Variants in TTC39B observed in about 807,000 individuals in gnomAD.
TTC39B encodes the protein tetratricopeptide repeat protein 39B.
A neutral mutation model predicts 96.6 loss-of-function variants in TTC39B; 92 were observed. The observed-to-expected ratio is 0.95, with a 90% confidence interval of 0.80 to 1.13. The LOEUF (loss-of-function observed/expected upper bound fraction) is 1.13, where lower values mean the gene tolerates loss of function less well. Among genes scored for constraint, TTC39B ranks in the 50% most tolerant of loss-of-function variants. The probability of loss-of-function intolerance (pLI) is 0.00; values close to 1 mark genes in which losing one functional copy is unlikely to be tolerated. For missense variants in TTC39B, 955 were observed against 809.3 expected (o/e 1.18, Z -2.18); for synonymous variants, 367 against 299.4 (o/e 1.23, Z -2.33).
At chr9:15,261,424 G>A (rs1278519578) in intron 2 of TTC39B, among the ~76,000 whole-genome samples, 3 of 152,096 alleles carry the variant, frequency 2.0e-5, no homozygotes, top group Non-Finnish European at 4.4e-5. Flanking sequence ...GCAGTGAGTT[G>A]AGAACGCGCC....
intron 2 of TTC39B, among the ~76,000 whole-genome samples, chr9:15,240,360 G>A (rs572882163): frequency 3.3e-5 from 5 of 152,296 alleles, no homozygotes; most frequent in Admixed American, 6.5e-5. Flanking sequence ...CGAGAAACTG[G>A]CGAATAGATA....
At chr9:15,185,232 A>G in intron 16 of TTC39B, 48 bp downstream of exon 16, 1 of 1,566,932 alleles carries the variant, frequency 6.4e-7, no homozygotes, top group Non-Finnish European at 8.6e-7. Context: ...TGCTGCTGTG[A>G]GTAGGTAATT....
At chr9:15,249,609 A>C (rs531290374) in intron 2 of TTC39B, 35 of 164,378 alleles carry the variant, frequency 2.1e-4, no homozygotes, top group Non-Finnish European at 3.1e-4. Flanking sequence ...CAGCAGCAAT[A>C]AACCAGCCAT....
chr9:15,177,632 T>C (rs1431415141), intron 18 of TTC39B, 65 bp downstream of exon 18: 24 of 1,114,606 alleles, frequency 2.2e-5, no homozygotes, highest in Non-Finnish European at 2.8e-5. Context: ...TTTGCATCAC[T>C]TTCTCACAGC....
rs1386037399 is a variant in TTC39B, at chr9:15,167,017, TATATATATATA to T, written c.*4991_*5001del. The T allele has an allele frequency of 1.1e-3, 10 of 8,972 alleles. 1 individual carries two copies. The highest frequency in any genetic ancestry group is 4.3e-3 in the African/African-American group (8 of 1,864). 0.6% of individuals were successfully genotyped at this position (8,972 alleles called of 1,614,324 possible). On this transcript the variant is annotated 3_prime_UTR_variant, in exon 20 of 20. Transcript: ENST00000512701. ...ATATATATATATATATATATATATA[TATATATATATA>T]TTTTTTTTTTTTTTTTTTTTTTTTT...
At chr9:15,221,056 G>T (rs1289539680) in intron 3 of TTC39B, among the ~76,000 whole-genome samples, 1 of 152,186 alleles carries the variant, frequency 6.6e-6, no homozygotes, top group Non-Finnish European at 1.5e-5. Context: ...CGCATAGCTA[G>T]GGTGGTGTCT....
At chr9:15,233,670 C>T (rs1386498999) in intron 2 of TTC39B, among the ~76,000 whole-genome samples, 1 of 152,224 alleles carries the variant, frequency 6.6e-6, no homozygotes, top group Non-Finnish European at 1.5e-5. Flanking sequence ...CAATGGTGCC[C>T]AGGCTGGAGT....
chr9:15,233,225 A>G (rs971355501), intron 2 of TTC39B, among the ~76,000 whole-genome samples: 2 of 152,148 alleles, frequency 1.3e-5, no homozygotes, highest in Non-Finnish European at 2.9e-5. Flanking sequence ...TGGTTCGAGA[A>G]GCATGGCCAA....
At chr9:15,202,844 A>G (rs1819623367) in intron 7 of TTC39B, among the ~76,000 whole-genome samples, 1 of 152,020 alleles carries the variant, frequency 6.6e-6, no homozygotes, top group South Asian at 2.1e-4. Flanking sequence ...AGCCATCACT[A>G]CCACCCATGA....
At chr9:15,232,074 C>G (rs1298496791) in intron 2 of TTC39B, among the ~76,000 whole-genome samples, 1 of 152,124 alleles carries the variant, frequency 6.6e-6, no homozygotes, top group Non-Finnish European at 1.5e-5. Context: ...CTATGTCCCC[C>G]CTCCCCAACC....
Position 15,185,288 on chromosome 9 carries a change from G to A in TTC39B, c.1606C>T (p.Pro536Ser), listed in dbSNP as rs1244736909. Reference sequence around the variant, plus strand: ...AAAATAAAAGCAGATACCAGGGCAGGTAAGATGAGCTTCACAGGTGCAGGT... The same window carrying A: ...AAAATAAAAGCAGATACCAGGGCAGATAAGATGAGCTTCACAGGTGCAGGT... The change falls in exon 16 of 20, where the codon CCT becomes TCT. Residue 536 changes from proline to serine, a missense_variant. By Grantham distance (74) the Pro-to-Ser change is moderately conservative. Transcript: ENST00000512701. 16 of 1,612,522 alleles carry A rather than the reference G, an allele frequency of 9.9e-6. No homozygotes were observed. Among genetic ancestry groups the A allele is most frequent in the Non-Finnish European group, 1.2e-5 (14 of 1,179,364 alleles).
intron 1 of TTC39B, among the ~76,000 whole-genome samples, chr9:15,304,025 G>T (rs1824681480): frequency 6.6e-6 from 1 of 152,022 alleles, no homozygotes; most frequent in Non-Finnish European, 1.5e-5. Context: ...GATAATTATT[G>T]GTGAGCTGAA....
chr9:15,189,672 A>T, intron 12 of TTC39B, 39 bp from the exon 13 acceptor site: 1 of 1,614,116 alleles, frequency 6.2e-7, no homozygotes, highest in Non-Finnish European at 8.5e-7. Context: ...TCAACAGTCA[A>T]CACTGGCTGA....
intron 16 of TTC39B, chr9:15,183,219 T>C (rs1024863766): frequency 6.3e-6 from 2 of 316,652 alleles, no homozygotes; most frequent in African/African-American, 4.6e-5. Context: ...TCAAGTAGAA[T>C]GGCAGCAAAG....
At chr9:15,259,356 T>C (rs1008023924) in intron 2 of TTC39B, among the ~76,000 whole-genome samples, 1 of 152,202 alleles carries the variant, frequency 6.6e-6, no homozygotes, top group Admixed American at 6.5e-5. Context: ...ACACCATTTA[T>C]ATGTATTCAG....
At chr9:15,275,016 C>G (rs958024011) in intron 1 of TTC39B, among the ~76,000 whole-genome samples, 3 of 151,430 alleles carry the variant, frequency 2.0e-5, no homozygotes, top group African/African-American at 7.3e-5. Flanking sequence ...CAGGTAAGTG[C>G]TCTCATATAA....
chr9:15,269,575 C>T (rs1013635619), intron 1 of TTC39B, among the ~76,000 whole-genome samples: 1 of 152,188 alleles, frequency 6.6e-6, no homozygotes, highest in African/African-American at 2.4e-5. Flanking sequence ...AGAACCTGGC[C>T]AGGCGCAGTG....
At chr9:15,283,915 G>A (rs1418561949) in intron 1 of TTC39B, among the ~76,000 whole-genome samples, 1 of 151,472 alleles carries the variant, frequency 6.6e-6, no homozygotes, top group Non-Finnish European at 1.5e-5. Flanking sequence ...CTTAAAACAG[G>A]GACAGTCTTT....
At chr9:15,169,290 G>C (rs1054189868) in exon 20 of TTC39B, 5 of 152,128 alleles carry the variant, frequency 3.3e-5, no homozygotes, top group Admixed American at 2.6e-4. Flanking sequence ...AGGGAGCATA[G>C]AAAACATTAA....
Sources: allele counts gnomAD v4.1 joint callset (sites outside exome capture counted in the v4.1 genomes callset), GRCh38; gene constraint gnomAD v4.1.1; transcripts MANE v1.5; gene names NCBI Gene and HGNC (gene_info 2026-07-23, HGNC 2026-07-21).